Variants in RNF150 observed in about 807,000 individuals in gnomAD.
The protein encoded by RNF150 is ring finger protein 150.
RNF150 carries 24 observed loss-of-function variants against 39.3 expected under a neutral mutation model. That is an observed-to-expected ratio of 0.61 (90% CI 0.44 to 0.86). The LOEUF is 0.86. RNF150 is among the 40% of genes least tolerant of loss of function. The pLI is 0.00. For synonymous variants in RNF150, 255 were observed against 227.3 expected (o/e 1.12, Z -1.10); for missense variants, 502 against 587.8 (o/e 0.85, Z 1.51).
chr4:140,926,338 G>C (rs1233775627), intron 4 of RNF150, among the ~76,000 whole-genome samples: 2 of 152,178 alleles, frequency 1.3e-5, no homozygotes, highest in Non-Finnish European at 2.9e-5. Flanking sequence ...CAGAAACTGA[G>C]AGATTTTTCT....
intron 5 of RNF150, among the ~76,000 whole-genome samples, chr4:140,919,797 C>T (rs1482522177): frequency 7.6e-6 from 1 of 131,870 alleles, no homozygotes; most frequent in Non-Finnish European, 1.7e-5. Context: ...GGTTACAAGG[C>T]TACGGTAATC....
At chr4:140,958,287 T>C (rs1028012067) in intron 2 of RNF150, among the ~76,000 whole-genome samples, 13 of 152,042 alleles carry the variant, frequency 8.6e-5, no homozygotes, top group African/African-American at 3.1e-4. Context: ...GAGGGATAAC[T>C]TTATTAGGAA....
At chr4:140,959,664 C>G (rs758839089) in intron 2 of RNF150, among the ~76,000 whole-genome samples, 3 of 152,142 alleles carry the variant, frequency 2.0e-5, no homozygotes, top group Non-Finnish European at 4.4e-5. Flanking sequence ...AACAGGGAAG[C>G]AATGGCTCCA....
intron 1 of RNF150, among the ~76,000 whole-genome samples, chr4:141,001,650 C>T (rs1467602315): frequency 6.6e-6 from 1 of 151,888 alleles, no homozygotes; most frequent in Non-Finnish European, 1.5e-5. Context: ...TGGTTTGTAC[C>T]ATGTGCTTAC....
chr4:141,089,809 C>G (rs555844215), intron 1 of RNF150, among the ~76,000 whole-genome samples: 2 of 152,172 alleles, frequency 1.3e-5, no homozygotes, highest in African/African-American at 2.4e-5. Flanking sequence ...CAAACTCTTA[C>G]TTTCGTTCTA....
In RNF150 at chr4:141,142,656, C is replaced by T. The variant is rs1727137936; in HGVS notation, c.-6+70138G>A. Among the ~76,000 whole-genome samples, 3 of 152,274 alleles carry T rather than the reference C, an allele frequency of 2.0e-5. No individual in the cohort carries two copies. The South Asian group carries it at 6.2e-4, about 32-fold the overall frequency. On this transcript the variant is annotated intron_variant, in intron 1 of 7. Coordinates refer to the RNF150 transcript ENST00000420921. ...CAGATTCAATGGGAACACTTCTTTC[C>T]TCACCTTACGTAACCTCTCAGCCAT...
At chr4:140,958,416 G>T (rs1040906958) in intron 2 of RNF150, among the ~76,000 whole-genome samples, 1 of 152,094 alleles carries the variant, frequency 6.6e-6, no homozygotes, top group Admixed American at 6.6e-5. Context: ...CCCGCCCCTG[G>T]GTTAGGTCTC....
chr4:140,962,508 A>AT (rs111413443), intron 2 of RNF150, among the ~76,000 whole-genome samples: 1 of 151,846 alleles, frequency 6.6e-6, no homozygotes, highest in African/African-American at 2.4e-5. Context: ...ATATATATAT[A>AT]AAAGTTTCTC....
At chr4:140,915,982 G>A (rs981031273) in intron 5 of RNF150, among the ~76,000 whole-genome samples, 2 of 152,158 alleles carry the variant, frequency 1.3e-5, no homozygotes, top group African/African-American at 4.8e-5. Flanking sequence ...TGCAGCTGAG[G>A]GTCCTGACCT....
intron 1 of RNF150, among the ~76,000 whole-genome samples, chr4:141,025,133 A>C (rs1283629619): frequency 6.6e-6 from 1 of 152,178 alleles, no homozygotes; most frequent in African/African-American, 2.4e-5. Flanking sequence ...CTCTTCAAGA[A>C]ATTCTGATTA....
At chr4:141,101,789 T>C (rs1355135744) in intron 1 of RNF150, among the ~76,000 whole-genome samples, 1 of 152,064 alleles carries the variant, frequency 6.6e-6, no homozygotes, top group African/African-American at 2.4e-5. Flanking sequence ...TTTTATTTAT[T>C]TATTTATTTT....
chr4:140,914,122 G>GT (rs904797688), intron 5 of RNF150, among the ~76,000 whole-genome samples: 9 of 152,276 alleles, frequency 5.9e-5, no homozygotes, highest in Admixed American at 2.0e-4. Flanking sequence ...TTTTGATGCA[G>GT]TTTTTTTGTT....
At chr4:140,948,641 A>C (rs1467274975) in intron 3 of RNF150, among the ~76,000 whole-genome samples, 3 of 152,140 alleles carry the variant, frequency 2.0e-5, no homozygotes, top group Non-Finnish European at 4.4e-5. Context: ...GTCTTTCTAC[A>C]TTGCCCAGGC....
chr4:140,958,576 A>C lies in RNF150; in HGVS notation c.735+9047T>G, dbSNP rs779414129. 3.1e-4 allele frequency among the ~76,000 whole-genome samples: 47 copies of C among 152,088 alleles called. 1 individual carries two copies. The highest frequency in any genetic ancestry group is 5.2e-4 in the Admixed American group (8 of 15,266). ...TCAACTGTTCCTTTAACTTCTAAAAACTGTAATTCTAGGATCAGGCAATCA... is the reference window on the plus strand; with the variant it reads ...TCAACTGTTCCTTTAACTTCTAAAACCTGTAATTCTAGGATCAGGCAATCA... On this transcript the variant is annotated intron_variant, in intron 2 of 6. Coordinates refer to ENST00000515673, the MANE Select transcript of RNF150 (RefSeq NM_020724.2).
At chr4:141,102,995 C>G (rs1269158712) in intron 1 of RNF150, among the ~76,000 whole-genome samples, 1 of 152,122 alleles carries the variant, frequency 6.6e-6, no homozygotes, top group African/African-American at 2.4e-5. Context: ...TTCCATCTGT[C>G]AGGTGCTTTC....
intron 1 of RNF150, among the ~76,000 whole-genome samples, chr4:141,067,400 C>T (rs1351895973): frequency 1.3e-5 from 2 of 152,310 alleles, no homozygotes; most frequent in East Asian, 3.9e-4. Flanking sequence ...AACAGATCAG[C>T]TTAATTGTAG....
At chr4:141,055,145 T>TTCA (rs1736920189) in intron 1 of RNF150, among the ~76,000 whole-genome samples, 1 of 152,100 alleles carries the variant, frequency 6.6e-6, no homozygotes, top group South Asian at 2.1e-4. Flanking sequence ...AAAGTCTAGG[T>TTCA]TCATACAGGC....
intron 1 of RNF150, among the ~76,000 whole-genome samples, chr4:141,125,403 A>T (rs900779385): frequency 2.0e-5 from 3 of 152,188 alleles, no homozygotes; most frequent in Non-Finnish European, 4.4e-5. Context: ...ATAGGATTTG[A>T]ATTTCAATTT....
At chr4:141,071,021 G>T (rs371538598) in intron 1 of RNF150, among the ~76,000 whole-genome samples, 2,486 of 108,940 alleles carry the variant, frequency 0.023, no homozygotes, top group South Asian at 0.045. Context: ...AGAAAATGTG[G>T]CACATATACA....
Sources: allele counts gnomAD v4.1 joint callset (sites outside exome capture counted in the v4.1 genomes callset), GRCh38; gene constraint gnomAD v4.1.1; transcripts MANE v1.5; gene names NCBI Gene and HGNC (gene_info 2026-07-23, HGNC 2026-07-21).